The following GALNT14 variants were observed in gnomAD, a reference collection of about 807,000 sequenced individuals.
The protein encoded by GALNT14 is UDP-GalNAc:polypeptide N-acetylgalactosaminyltransferase 14.
GALNT14 carries 60 observed loss-of-function variants against 77.5 expected under a neutral mutation model. That is an observed-to-expected ratio of 0.77 (90% CI 0.63 to 0.96). GALNT14 has a LOEUF of 0.96. Ranked by LOEUF, GALNT14 falls within the 40% of genes least tolerant of loss-of-function variation. The pLI, the probability that GALNT14 is intolerant of heterozygous loss-of-function variation, is 0.00. For synonymous variants in GALNT14, 280 were observed against 281.7 expected (o/e 0.99, Z 0.06); for missense variants, 710 against 731.0 (o/e 0.97, Z 0.33).
the GALNT14 span, among the ~76,000 whole-genome samples, chr2:30,899,773 T>A: frequency 6.6e-6 from 1 of 152,196 alleles, no homozygotes; most frequent in African/African-American, 2.4e-5. Flanking sequence ...AATGGAAAAG[T>A]GCTCAGAGCT....
chr2:30,965,926 C>T (rs1667976181), intron 3 of GALNT14, among the ~76,000 whole-genome samples: 1 of 152,140 alleles, frequency 6.6e-6, no homozygotes, highest in South Asian at 2.1e-4. Context: ...AGTGGGGAGG[C>T]CGAGGGCTCT....
chr2:30,989,551 G>T (rs1430741927), intron 2 of GALNT14, among the ~76,000 whole-genome samples: 1 of 70,038 alleles, frequency 1.4e-5, no homozygotes, highest in Non-Finnish European at 2.6e-5. Context: ...TATTAGGTAG[G>T]TAAATACCTT....
At chr2:31,116,352 T>C (rs1371220549) in intron 1 of GALNT14, among the ~76,000 whole-genome samples, 3 of 152,108 alleles carry the variant, frequency 2.0e-5, no homozygotes, top group African/African-American at 7.2e-5. Flanking sequence ...CATTATCAGA[T>C]TGTATTGAAA....
the GALNT14 span, among the ~76,000 whole-genome samples, chr2:30,905,109 G>GA: frequency 1.3e-5 from 2 of 152,108 alleles, no homozygotes; most frequent in African/African-American, 2.4e-5. Flanking sequence ...CAAAGATGGG[G>GA]AAAAAACAGA....
intron 1 of GALNT14, among the ~76,000 whole-genome samples, chr2:31,120,641 C>A (rs757171822): frequency 1.3e-5 from 2 of 152,208 alleles, no homozygotes; most frequent in Non-Finnish European, 2.9e-5. Flanking sequence ...ACTGCAACCT[C>A]TGCCTCCTGG....
At chr2:31,130,125 T>C (rs1007639204) in intron 1 of GALNT14, among the ~76,000 whole-genome samples, 6 of 152,224 alleles carry the variant, frequency 3.9e-5, no homozygotes, top group Non-Finnish European at 7.3e-5. Flanking sequence ...AATTTAATTA[T>C]TTTTTAAGTG....
chr2:31,010,193 G>GA (rs1670932034), intron 1 of GALNT14, among the ~76,000 whole-genome samples: 1 of 152,130 alleles, frequency 6.6e-6, no homozygotes, highest in South Asian at 2.1e-4. Context: ...TCACCATGTT[G>GA]GTCAGCCTGG....
At chr2:30,968,883 G>C (rs1417084185) in intron 2 of GALNT14, among the ~76,000 whole-genome samples, 3 of 152,178 alleles carry the variant, frequency 2.0e-5, no homozygotes, top group Non-Finnish European at 4.4e-5. Context: ...CTTATCTTTG[G>C]ACACAGACCT....
intron 9 of GALNT14, among the ~76,000 whole-genome samples, chr2:30,933,953 C>G (rs1259470224): frequency 6.6e-6 from 1 of 152,214 alleles, no homozygotes; most frequent in Non-Finnish European, 1.5e-5. Context: ...TGAGACATCC[C>G]TCTAAAGCCA....
chr2:30,947,788 G>A (rs1666790064), intron 6 of GALNT14, among the ~76,000 whole-genome samples: 1 of 152,184 alleles, frequency 6.6e-6, no homozygotes, highest in Non-Finnish European at 1.5e-5. Flanking sequence ...TAGATTCACT[G>A]AGTGCCTGAT....
At chr2:30,919,442 G>C (rs574783861) in intron 13 of GALNT14, among the ~76,000 whole-genome samples, 1 of 152,288 alleles carries the variant, frequency 6.6e-6, no homozygotes, top group African/African-American at 2.4e-5. Context: ...CAACAACGAG[G>C]ACGCCCCAGA....
chr2:31,070,368 T>A (rs1675283522), intron 1 of GALNT14, among the ~76,000 whole-genome samples: 1 of 152,170 alleles, frequency 6.6e-6, no homozygotes, highest in African/African-American at 2.4e-5. Flanking sequence ...GGCCACACCA[T>A]CTGGGTCTTG....
rs1424198323 is a variant in GALNT14 at position 30,932,214 on chromosome 2, C to T, written c.932-20G>A. 11 of 1,442,726 alleles carry T rather than the reference C, an allele frequency of 7.6e-6. No homozygotes were observed. In the South Asian group the frequency reaches 1.3e-4, roughly 16 times the overall value. 89.4% of individuals were successfully genotyped at this position (1,442,726 alleles called of 1,614,324 possible). A position where few individuals can be genotyped will look rare whatever the true frequency, so the allele number is the denominator to read the frequency against. On this transcript the variant is annotated intron_variant, in intron 9 of 14. Coordinates refer to ENST00000349752, the MANE Select transcript of GALNT14 (RefSeq NM_024572.4). ...AGATTTCTGCAAGACAGTCACGCCC[C>T]TCCTATGACCTCTTATCACTGCTGC...
At chr2:31,012,639 T>G (rs1671102486) in intron 1 of GALNT14, among the ~76,000 whole-genome samples, 1 of 152,132 alleles carries the variant, frequency 6.6e-6, no homozygotes, top group Non-Finnish European at 1.5e-5. Flanking sequence ...AAGAATGAAC[T>G]TGCCCTGAAT....
intron 8 of GALNT14, among the ~76,000 whole-genome samples, chr2:30,943,168 T>C (rs1489728521): frequency 6.6e-6 from 1 of 152,224 alleles, no homozygotes; most frequent in Non-Finnish European, 1.5e-5. Flanking sequence ...GCCCCGTGTG[T>C]GGTATGCTGT....
intron 1 of GALNT14, among the ~76,000 whole-genome samples, chr2:31,109,373 T>A (rs139639625): frequency 2.6e-5 from 4 of 152,142 alleles, no homozygotes. Flanking sequence ...AAGCCACCCA[T>A]TGAGTTGGAA....
chr2:30,913,899 T>G (rs545835497), intron 13 of GALNT14, among the ~76,000 whole-genome samples: 76 of 152,330 alleles, frequency 5.0e-4, no homozygotes, highest in African/African-American at 1.8e-3. Flanking sequence ...ATTTGAAATT[T>G]TCTATAATAA....
At chr2:30,987,453 C>T (rs1461554204) in intron 2 of GALNT14, among the ~76,000 whole-genome samples, 1 of 152,218 alleles carries the variant, frequency 6.6e-6, no homozygotes, top group Non-Finnish European at 1.5e-5. Context: ...CTCCTGCCCT[C>T]TGCCATCTCA....
intron 1 of GALNT14, among the ~76,000 whole-genome samples, chr2:31,015,939 T>C (rs896436431): frequency 2.0e-5 from 3 of 152,098 alleles, no homozygotes; most frequent in Non-Finnish European, 4.4e-5. Flanking sequence ...AAACGAGACC[T>C]TGAAGCAGGC....
Sources: allele counts gnomAD v4.1 joint callset (sites outside exome capture counted in the v4.1 genomes callset), GRCh38; gene constraint gnomAD v4.1.1; transcripts MANE v1.5; gene names NCBI Gene and HGNC (gene_info 2026-07-23, HGNC 2026-07-21).